KALRN: variants seen among roughly 807,000 people sequenced by gnomAD.
The protein encoded by KALRN is kalirin RhoGEF kinase.
Under a neutral mutation model 353.7 loss-of-function variants are expected in KALRN, and 70 were observed. The ratio of observed to expected loss-of-function variants is 0.20; its 90% confidence interval spans 0.16 to 0.24. The LOEUF (loss-of-function observed/expected upper bound fraction) is 0.24. Ranked by LOEUF, KALRN falls within the 10% of genes least tolerant of loss-of-function variation. The pLI, the probability that KALRN is intolerant of heterozygous loss-of-function variation, is 1.00. For missense variants in KALRN, 2,791 were observed against 3,756.7 expected (o/e 0.74, Z 6.72); for synonymous variants, 1,391 against 1,434.8 (o/e 0.97, Z 0.69).
At chr3:124,327,339 A>G (rs1004449513) in intron 7 of KALRN, among the ~76,000 whole-genome samples, 1 of 152,224 alleles carries the variant, frequency 6.6e-6, no homozygotes, top group Non-Finnish European at 1.5e-5. Context: ...CTGGCGTAGT[A>G]TTCAGGTGCT....
intron 1 of KALRN, among the ~76,000 whole-genome samples, chr3:124,103,258 T>C (rs2149444493): frequency 6.6e-6 from 1 of 152,256 alleles, no homozygotes; most frequent in Non-Finnish European, 1.5e-5. Flanking sequence ...GATAGCTGCT[T>C]TGTGAGGTCC....
At chr3:124,388,586 T>C (rs1439796118) in intron 11 of KALRN, among the ~76,000 whole-genome samples, 5 of 152,084 alleles carry the variant, frequency 3.3e-5, no homozygotes, top group Non-Finnish European at 5.9e-5. Context: ...CTAAGAAAAG[T>C]AAAAGAAAAA....
chr3:124,253,447 A>G (rs575731580), intron 3 of KALRN, among the ~76,000 whole-genome samples: 2 of 152,296 alleles, frequency 1.3e-5, no homozygotes, highest in South Asian at 2.1e-4. Flanking sequence ...CTGTCTGCCT[A>G]TGGTGAACGG....
chr3:124,170,130 A>T (rs1315694743), intron 1 of KALRN, among the ~76,000 whole-genome samples: 1 of 152,140 alleles, frequency 6.6e-6, no homozygotes, highest in Non-Finnish European at 1.5e-5. Context: ...TAAGACGGGG[A>T]CCCAGTCCAT....
intron 6 of KALRN, 44 bp from the exon 7 acceptor site, chr3:124,325,936 G>A: frequency 6.5e-7 from 1 of 1,540,266 alleles, no homozygotes. Flanking sequence ...CTCAGTGGAT[G>A]TCTTTTGAGC....
chr3:124,469,242 A>G (rs773200067), intron 25 of KALRN, among the ~76,000 whole-genome samples: 42 of 152,204 alleles, frequency 2.8e-4, no homozygotes, highest in Non-Finnish European at 1.3e-4. Context: ...TTGTGGTTGG[A>G]GGCTGAGAGT....
intron 10 of KALRN, among the ~76,000 whole-genome samples, chr3:124,380,636 TTCAGAGCAAGG>T (rs2149889053): frequency 1.3e-5 from 2 of 152,342 alleles, no homozygotes; most frequent in East Asian, 3.9e-4. Flanking sequence ...AGGAAATATG[TTCAGAGCAAGG>T]TCAGACTCTG....
At chr3:124,054,054 G>C (rs1277074670) in intron 1 of KALRN, among the ~76,000 whole-genome samples, 1 of 152,208 alleles carries the variant, frequency 6.6e-6, no homozygotes, top group Non-Finnish European at 1.5e-5. Flanking sequence ...ATAAGCCACA[G>C]AGCCTGCACC....
intron 1 of KALRN, among the ~76,000 whole-genome samples, chr3:124,036,928 T>A (rs1484096576): frequency 2.0e-5 from 3 of 152,228 alleles, no homozygotes; most frequent in Non-Finnish European, 2.9e-5. Flanking sequence ...TGTGTGCACA[T>A]GGACACAGAC....
At chr3:124,096,155 G>A (rs1174663278) in intron 1 of KALRN, 1 of 152,210 alleles carries the variant, frequency 6.6e-6, no homozygotes, top group African/African-American at 2.4e-5. Context: ...ACCACTAGAT[G>A]TGAATCCTCC....
At chr3:124,702,716 G>C (rs944523866) in intron 57 of KALRN, among the ~76,000 whole-genome samples, 1 of 152,002 alleles carries the variant, frequency 6.6e-6, no homozygotes, top group South Asian at 2.1e-4. Context: ...TATATTGCCC[G>C]TGTACCAAGC....
chr3:124,700,347 C>T (rs1006151991), intron 56 of KALRN, among the ~76,000 whole-genome samples: 1 of 152,044 alleles, frequency 6.6e-6, no homozygotes, highest in Non-Finnish European at 1.5e-5. Context: ...TACAAAGCCT[C>T]CTCCCACCCG....
chr3:124,598,005 C>G (rs138522212), intron 34 of KALRN, among the ~76,000 whole-genome samples: 237 of 152,206 alleles, frequency 1.6e-3, no homozygotes, highest in African/African-American at 5.5e-3. Flanking sequence ...TGAGGGAAGA[C>G]CCAGCTCTTT....
At chr3:124,386,399 G>A (rs1023119162) in intron 11 of KALRN, among the ~76,000 whole-genome samples, 18 of 152,114 alleles carry the variant, frequency 1.2e-4, no homozygotes, top group African/African-American at 2.2e-4. Context: ...TGAGGGCTGC[G>A]GTGGTGCTGG....
At chr3:124,492,657 G>C (rs2063295810) in intron 31 of KALRN, 83 bp from the exon 32 acceptor site, 3 of 1,379,852 alleles carry the variant, frequency 2.2e-6, no homozygotes, top group Non-Finnish European at 3.0e-6. Flanking sequence ...AATAACAGAT[G>C]AAGACTGCAG....
At chr3:124,505,016 G>A (rs2065056441) in intron 33 of KALRN, 1 of 474,428 alleles carries the variant, frequency 2.1e-6, no homozygotes. Flanking sequence ...GTTGGAGGGA[G>A]GGGAGGGGAG....
In KALRN at chr3:124,187,411, C is replaced by G. The variant is rs201782120; in HGVS notation, c.74-40579C>G. On this transcript the variant is annotated intron_variant, in intron 1 of 59. Coordinates refer to ENST00000682506, the MANE Select transcript of KALRN (RefSeq NM_001388419.1). ...TATGTCTTTATTGGCTGTGTGAGAA[C>G]AGACTAATACACCATCCAAACACAG... is the stretch of plus-strand genomic sequence containing the variant. Among the ~76,000 whole-genome samples the G allele has an allele frequency of 5.9e-5, 9 of 152,238 alleles. No individual in the cohort carries two copies. The East Asian group carries it at 1.5e-3, about 26-fold the overall frequency.
At chr3:124,341,096 G>A (rs759719988) in intron 9 of KALRN, among the ~76,000 whole-genome samples, 6 of 152,258 alleles carry the variant, frequency 3.9e-5, no homozygotes, top group Non-Finnish European at 8.8e-5. Flanking sequence ...AAGAAAGGGG[G>A]TGATTAGGGA....
At chr3:124,387,113 G>A (rs1453598030) in intron 11 of KALRN, among the ~76,000 whole-genome samples, 2 of 152,074 alleles carry the variant, frequency 1.3e-5, no homozygotes, top group East Asian at 3.9e-4. Context: ...GGGGCTTAAT[G>A]GGTAGGACAG....
Sources: gnomAD v4.1 joint callset for allele counts (sites outside exome capture counted in the v4.1 genomes callset) on GRCh38, gnomAD v4.1.1 for gene constraint, MANE v1.5 for transcripts, NCBI Gene and HGNC (gene_info 2026-07-23, HGNC 2026-07-21) for gene names.